Variants in EIF4B observed in about 807,000 individuals in gnomAD.
EIF4B encodes the protein eukaryotic translation initiation factor 4B.
Under a neutral mutation model 79.3 loss-of-function variants are expected in EIF4B, and 8 were observed. The observed-to-expected ratio is 0.10, with a 90% CI of 0.06 to 0.18. The LOEUF (loss-of-function observed/expected upper bound fraction) is 0.18. Among genes scored for constraint, EIF4B ranks in the 10% least tolerant of loss-of-function variants. The pLI, the probability that EIF4B is intolerant of heterozygous loss-of-function variation, is 1.00. For synonymous variants in EIF4B, 238 were observed against 274.7 expected, an observed-to-expected ratio of 0.87 and a Z score of 1.32; for missense variants, 515 against 792.4, an observed-to-expected ratio of 0.65 and a Z score of 4.20.
At chr12:53,024,391 G>A (rs1269557666) in intron 6 of EIF4B, among the ~76,000 whole-genome samples, 1 of 152,172 alleles carries the variant, frequency 6.6e-6, no homozygotes, top group Non-Finnish European at 1.5e-5. Context: ...ACAATACCAT[G>A]TAGTATTAAT....
intron 8 of EIF4B, among the ~76,000 whole-genome samples, chr12:53,030,255 C>T (rs1324822649): frequency 8.7e-6 from 1 of 114,894 alleles, no homozygotes; most frequent in African/African-American, 2.9e-5. Flanking sequence ...TAGCATGTGC[C>T]TGTAGTCCCC....
intron 13 of EIF4B, 108 bp from the exon 14 acceptor site, chr12:53,039,522 C>A: frequency 7.5e-7 from 1 of 1,332,040 alleles, no homozygotes; most frequent in Admixed American, 2.3e-5. Context: ...ACAACAAGGA[C>A]TGTTGACTAG....
intron 1 of EIF4B, among the ~76,000 whole-genome samples, 171 bp downstream of exon 1, chr12:53,006,667 G>A (rs1942965465): frequency 1.3e-5 from 2 of 151,578 alleles, no homozygotes; most frequent in African/African-American, 4.9e-5. Context: ...GGATGTTTGG[G>A]GGGGAGGGGA....
chr12:53,028,186 G>A lies in EIF4B; in HGVS notation c.977G>A (p.Arg326Lys), dbSNP rs1357287140. 6.4e-7 allele frequency: 1 copy of A among 1,570,292 alleles called. No homozygotes were observed. Among genetic ancestry groups the A allele is most frequent in the African/African-American group, 1.4e-5 (1 of 72,620 alleles). ...YSRDDYRRDD[R>K]GPPQRPKLNL... The stretch of plus-strand genomic sequence containing the variant: ...CGGGATGATTATAGGCGTGATGATA[G>A]AGGTAATAGTTTTCTTTTTACGTAC... The change falls in exon 8 of 15, where the codon AGA becomes AAA. Residue 326 changes from arginine to lysine, a missense_variant and splice_region_variant. Physicochemically the swap from Arg to Lys is conservative, Grantham distance 26. Coordinates refer to ENST00000262056, the MANE Select transcript of EIF4B (RefSeq NM_001417.7).
intron 1 of EIF4B, among the ~76,000 whole-genome samples, chr12:53,009,136 T>C (rs1943019843): frequency 1.3e-5 from 2 of 152,226 alleles, no homozygotes; most frequent in Non-Finnish European, 1.5e-5. Flanking sequence ...CGCTTGAATC[T>C]CAGTTTCTTT....
Position 53,006,492 on chromosome 12 carries a change from C to G in EIF4B, c.9C>G (p.Ala3=). 6.8e-6 allele frequency: 11 copies of G among 1,613,650 alleles called. No individual in the cohort carries two copies. Among genetic ancestry groups the G allele is most frequent in the Non-Finnish European group, 9.3e-6 (11 of 1,180,036 alleles). ...TCTTTCCCTCTCCCAACATGGCGGC[C>G]TCAGGTGAGCGAGCAGCCGAGCGCG... MA[A]SAKKKNKKGK... Residue 3 remains alanine (A), a synonymous_variant, in exon 1 of 15, where the codon GCC becomes GCG. Transcript: ENST00000262056.
chr12:53,022,048 G>A (rs1943253964), intron 5 of EIF4B, 188 bp downstream of exon 5: 1 of 674,910 alleles, frequency 1.5e-6, no homozygotes, highest in Non-Finnish European at 2.5e-6. Flanking sequence ...CACAATTGGA[G>A]GGAGTGCTGC....
intron 5 of EIF4B, chr12:53,022,184 A>T: frequency 1.5e-6 from 1 of 665,272 alleles, no homozygotes; most frequent in Middle Eastern, 2.4e-4. Context: ...AACATTAAAT[A>T]GATGATAAAT....
intron 1 of EIF4B, 28 bp downstream of exon 1, chr12:53,006,524 G>T: frequency 6.2e-7 from 1 of 1,613,452 alleles, no homozygotes; most frequent in Non-Finnish European, 8.5e-7. Context: ...CGCGGCCAAG[G>T]ACTGGGCTCT....
At chr12:53,036,786 A>G (rs978584084) in intron 10 of EIF4B, among the ~76,000 whole-genome samples, 2 of 152,142 alleles carry the variant, frequency 1.3e-5, no homozygotes, top group African/African-American at 4.8e-5. Context: ...GAGTGCAGCA[A>G]CATGATCACA....
intron 10 of EIF4B, among the ~76,000 whole-genome samples, chr12:53,036,755 C>G (rs1943547958): frequency 6.6e-6 from 1 of 151,108 alleles, no homozygotes; most frequent in South Asian, 2.1e-4. Context: ...GAGATGGAGT[C>G]TCACTCTGTC....
chr12:53,039,364 A>C, intron 13 of EIF4B, 21 bp downstream of exon 13: 1 of 1,531,826 alleles, frequency 6.5e-7, no homozygotes, highest in Non-Finnish European at 8.9e-7. Context: ...TCTCTTTCTC[A>C]TCTTTCCTCT....
intron 1 of EIF4B, among the ~76,000 whole-genome samples, chr12:53,015,437 T>G (rs2120900785): frequency 6.6e-6 from 1 of 152,284 alleles, no homozygotes; most frequent in African/African-American, 2.4e-5. Flanking sequence ...CCCAGCATTT[T>G]GGGAGGCTGA....
intron 1 of EIF4B, among the ~76,000 whole-genome samples, chr12:53,012,720 C>G (rs970132924): frequency 6.6e-6 from 1 of 151,608 alleles, no homozygotes; most frequent in African/African-American, 2.4e-5. Flanking sequence ...ATTCTCCTGC[C>G]TCAGCCTCCC....
intron 12 of EIF4B, chr12:53,038,929 G>A (rs936620338): frequency 5.6e-5 from 13 of 230,534 alleles, no homozygotes; most frequent in African/African-American, 1.8e-4. Context: ...TTTCTTTGAC[G>A]GGGAGAAAAA....
chr12:53,024,849 G>A (rs1253450870), intron 6 of EIF4B, among the ~76,000 whole-genome samples: 1 of 152,046 alleles, frequency 6.6e-6, no homozygotes, highest in Non-Finnish European at 1.5e-5. Flanking sequence ...TAGAGATGGG[G>A]TTTCACCACG....
Position 53,018,781 on chromosome 12 carries a change from T to G in EIF4B, c.152-17T>G. On this transcript the variant is annotated splice_polypyrimidine_tract_variant and intron_variant, in intron 2 of 14. Coordinates refer to ENST00000262056, the MANE Select transcript of EIF4B (RefSeq NM_001417.7). ...AGAAGTTTCTTCTAATTTCTTACAT[T>G]CATTCCTCTATCCTAGTTTCGACCA... The G allele has an allele frequency of 6.2e-7, 1 of 1,611,610 alleles. No individual in the cohort carries two copies. Among genetic ancestry groups the G allele is most frequent in the Non-Finnish European group, 8.5e-7 (1 of 1,179,440 alleles).
intron 1 of EIF4B, among the ~76,000 whole-genome samples, 159 bp downstream of exon 1, chr12:53,006,655 C>T (rs1228388145): frequency 6.6e-6 from 1 of 151,584 alleles, no homozygotes; most frequent in Non-Finnish European, 1.5e-5. Context: ...GTTACTGCCT[C>T]TGGATGTTTG....
At chr12:53,038,182 A>C in intron 11 of EIF4B, 174 bp from the exon 12 acceptor site, 1 of 499,472 alleles carries the variant, frequency 2.0e-6, no homozygotes, top group Admixed American at 3.9e-5. Flanking sequence ...ATGGCACTTT[A>C]GTGTTCAAAT....
Sources: gnomAD v4.1 joint callset for allele counts (sites outside exome capture counted in the v4.1 genomes callset) on GRCh38, gnomAD v4.1.1 for gene constraint, MANE v1.5 for transcripts, NCBI Gene and HGNC (gene_info 2026-07-23, HGNC 2026-07-21) for gene names.